STEAP3: variants seen among roughly 807,000 people sequenced by gnomAD.
STEAP3 encodes STEAP3 metalloreductase.
In STEAP3, 35 loss-of-function variants were observed where a neutral mutation model predicts 34.9. That is an observed-to-expected ratio of 1.00 (90% CI 0.76 to 1.33). The LOEUF (loss-of-function observed/expected upper bound fraction) is 1.33. STEAP3 is among the 40% of genes most tolerant of loss of function. STEAP3 has a pLI of 0.00. For synonymous variants in STEAP3, 281 were observed against 301.6 expected (o/e 0.93, Z 0.71); for missense variants, 652 against 667.6 (o/e 0.98, Z 0.26).
Position 119,223,889 on chromosome 2 carries a change from G to A in STEAP3, c.-394+1G>A, listed in dbSNP as rs1678945565. 3 of 152,222 alleles carry A rather than the reference G, an allele frequency of 2.0e-5. No individual in the cohort carries two copies. Among genetic ancestry groups the A allele is most frequent in the Admixed American group, 2.0e-4 (3 of 15,286 alleles). The allele number at this position is 152,222 out of a possible 1,614,324, so 9.4% of individuals were successfully genotyped here. ...TCGCTCCGAGCGGCGGGCCGCAGAG[G>A]TGAGTGTACCCTCCCCCGGTCTCCG... is the stretch of plus-strand genomic sequence containing the variant. On this transcript the variant is annotated splice_donor_variant, in intron 1 of 5. Transcript: ENST00000393110. LOFTEE classifies it low-confidence loss of function (5UTR_SPLICE).
chr2:119,231,894 A>C (rs963330631), intron 2 of STEAP3, among the ~76,000 whole-genome samples: 2 of 152,114 alleles, frequency 1.3e-5, no homozygotes, highest in Non-Finnish European at 2.9e-5. Context: ...CCATGATTTG[A>C]GACTGGCATC....
intron 5 of STEAP3, among the ~76,000 whole-genome samples, chr2:119,262,350 A>T (rs1426297541): frequency 1.3e-5 from 2 of 151,984 alleles, no homozygotes; most frequent in Non-Finnish European, 2.9e-5. Flanking sequence ...ACACACACAC[A>T]CACACATATA....
chr2:119,249,654 T>TGGCAGGACTGGGA (rs1301741957), intron 4 of STEAP3, among the ~76,000 whole-genome samples: 1 of 152,096 alleles, frequency 6.6e-6, no homozygotes, highest in Non-Finnish European at 1.5e-5. Context: ...CATGGGGGAT[T>TGGCAGGACTGGGA]GGCAGGACTG....
intron 5 of STEAP3, among the ~76,000 whole-genome samples, chr2:119,259,543 A>C (rs372341017): frequency 1.3e-5 from 2 of 152,202 alleles, no homozygotes; most frequent in African/African-American, 2.4e-5. Context: ...TTTGAATGGC[A>C]CAAGAATGAG....
intron 2 of STEAP3, among the ~76,000 whole-genome samples, chr2:119,242,926 T>TG (rs1235114028): frequency 6.6e-6 from 1 of 152,176 alleles, no homozygotes; most frequent in Non-Finnish European, 1.5e-5. Flanking sequence ...CACTATAGGA[T>TG]GGGTCAGGAG....
Position 119,248,089 on chromosome 2 carries a change from C to A in STEAP3, c.933C>A (p.His311Gln), listed in dbSNP as rs766661984. 1.9e-6 allele frequency: 3 copies of A among 1,608,474 alleles called. No homozygotes were observed. The highest frequency in any genetic ancestry group is 1.7e-4 in the Middle Eastern group (1 of 6,060). Reference sequence around the variant, plus strand: ...ACTGGCTGGACCACTGGCTACAGCACCGCAAGCAGATCGGGCTGCTCAGCT... The same window carrying A: ...ACTGGCTGGACCACTGGCTACAGCAACGCAAGCAGATCGGGCTGCTCAGCT... Reference protein sequence around the residue: ...FPDWLDHWLQHRKQIGLLSFF... With the variant: ...FPDWLDHWLQQRKQIGLLSFF... Residue 311 changes from histidine (H) to glutamine (Q), a missense_variant, in exon 4 of 6, where the codon CAC becomes CAA. Coordinates refer to ENST00000393110, the MANE Select transcript of STEAP3 (RefSeq NM_182915.3).
At chr2:119,237,438 C>G (rs1023586267) in intron 2 of STEAP3, among the ~76,000 whole-genome samples, 11 of 152,176 alleles carry the variant, frequency 7.2e-5, no homozygotes, top group Non-Finnish European at 1.6e-4. Context: ...TGAGAACTAA[C>G]AGGGAACTTA....
intron 2 of STEAP3, among the ~76,000 whole-genome samples, chr2:119,244,021 A>ACT (rs1052047281): frequency 7.7e-4 from 117 of 152,308 alleles, no homozygotes; most frequent in Non-Finnish European, 1.0e-3. Flanking sequence ...AAGCTTGTGG[A>ACT]CTTCTGCTCA....
rs1248684010 is a variant in STEAP3 at position 119,264,249 on chromosome 2, G to C, written c.*911G>C. Reference sequence around the variant, plus strand: ...CCTAGAGCAGACCCTTTAGAAATCAGCCCAAGGGGGAGAGCAAGAGAAAAC... The same window carrying C: ...CCTAGAGCAGACCCTTTAGAAATCACCCCAAGGGGGAGAGCAAGAGAAAAC... On this transcript the variant is annotated 3_prime_UTR_variant, in exon 6 of 6. Transcript: ENST00000393110. The C allele has an allele frequency of 6.6e-6, 1 of 152,614 alleles. No homozygotes were observed. The highest frequency in any genetic ancestry group is 2.4e-5 in the African/African-American group (1 of 41,420). The allele number at this position is 152,614 out of a possible 1,614,324, so 9.5% of individuals were successfully genotyped here.
At chr2:119,236,770 CT>C (rs1288560416) in intron 2 of STEAP3, among the ~76,000 whole-genome samples, 1 of 152,176 alleles carries the variant, frequency 6.6e-6, no homozygotes, top group Non-Finnish European at 1.5e-5. Flanking sequence ...CCCACTCCCC[CT>C]GGAACACATC....
intron 1 of STEAP3, among the ~76,000 whole-genome samples, chr2:119,226,099 T>A (rs935217221): frequency 4.6e-5 from 7 of 152,228 alleles, no homozygotes; most frequent in African/African-American, 1.7e-4. Context: ...TGGCTCCAAG[T>A]CCCAGGGTTC....
intron 5 of STEAP3, among the ~76,000 whole-genome samples, chr2:119,255,359 T>C (rs1335234254): frequency 6.6e-6 from 1 of 151,982 alleles, no homozygotes; most frequent in Admixed American, 6.6e-5. Flanking sequence ...AGGACCCCAG[T>C]TTATAGGGGA....
intron 2 of STEAP3, among the ~76,000 whole-genome samples, chr2:119,232,279 G>A (rs1676965998): frequency 6.6e-6 from 1 of 152,198 alleles, no homozygotes; most frequent in Admixed American, 6.5e-5. Context: ...GGGCAGGCAA[G>A]AGCCAACTCG....
rs946526111 is a variant in STEAP3, at chr2:119,263,538, C to T, written c.*200C>T. Reference sequence around the variant, plus strand: ...ATGTGTATATGTATTTACATATATTCCACATATATAACAGGATTTGCAATT... The same window carrying T: ...ATGTGTATATGTATTTACATATATTTCACATATATAACAGGATTTGCAATT... On this transcript the variant is annotated 3_prime_UTR_variant, in exon 6 of 6. Transcript: ENST00000393110. 5 of 717,800 alleles carry T rather than the reference C, an allele frequency of 7.0e-6. No individual in the cohort carries two copies. Among genetic ancestry groups the T allele is most frequent in the Non-Finnish European group, 1.2e-5 (5 of 425,508 alleles). 44.5% of individuals were successfully genotyped at this position (717,800 alleles called of 1,614,324 possible).
intron 5 of STEAP3, among the ~76,000 whole-genome samples, chr2:119,262,092 A>G (rs1053896795): frequency 2.0e-5 from 3 of 152,104 alleles, no homozygotes; most frequent in Non-Finnish European, 2.9e-5. Context: ...GGGGCTTTCT[A>G]TACGGTGCCA....
Position 119,263,502 on chromosome 2 carries a change from T to C in STEAP3, c.*164T>C, listed in dbSNP as rs1454245915. On this transcript the variant is annotated 3_prime_UTR_variant, in exon 6 of 6. Coordinates refer to ENST00000393110, the MANE Select transcript of STEAP3 (RefSeq NM_182915.3). Reference sequence around the variant, plus strand: ...ATGTATGCAGTACTATTCAGAATGATATACACACATATGTGTATATGTATT... The same window carrying C: ...ATGTATGCAGTACTATTCAGAATGACATACACACATATGTGTATATGTATT... 1 of 831,838 alleles carries C rather than the reference T, an allele frequency of 1.2e-6. No homozygotes were observed. Among genetic ancestry groups the C allele is most frequent in the Non-Finnish European group, 2.0e-6 (1 of 507,890 alleles). 51.5% of individuals were successfully genotyped at this position (831,838 alleles called of 1,614,324 possible). A position where few individuals can be genotyped will look rare whatever the true frequency, so the allele number is the denominator to read the frequency against.
At chr2:119,258,466 A>C (rs1222796873) in intron 5 of STEAP3, among the ~76,000 whole-genome samples, 1 of 152,052 alleles carries the variant, frequency 6.6e-6, no homozygotes, top group Non-Finnish European at 1.5e-5. Context: ...AACACCTCAG[A>C]CACTTCGTTT....
intron 5 of STEAP3, chr2:119,257,475 G>T (rs1240873326): frequency 1.3e-6 from 2 of 1,536,510 alleles, no homozygotes; most frequent in South Asian, 2.4e-5. Flanking sequence ...AACTTCCAGT[G>T]CAGGAAACAC....
intron 5 of STEAP3, among the ~76,000 whole-genome samples, chr2:119,256,443 C>G (rs1009835844): frequency 1.3e-5 from 2 of 152,128 alleles, no homozygotes; most frequent in African/African-American, 4.8e-5. Flanking sequence ...CATGGTTTAT[C>G]CACAATTAAA....
Sources: allele counts gnomAD v4.1 joint callset (sites outside exome capture counted in the v4.1 genomes callset), GRCh38; gene constraint gnomAD v4.1.1; transcripts MANE v1.5; gene names NCBI Gene and HGNC (gene_info 2026-07-23, HGNC 2026-07-21).